The following CDH4 variants were observed in gnomAD, a reference collection of about 807,000 sequenced individuals.
The protein encoded by CDH4 is cadherin 4.
Under a neutral mutation model 86.0 loss-of-function variants are expected in CDH4, and 33 were observed. The observed-to-expected ratio is 0.38, with a 90% confidence interval of 0.29 to 0.51. The LOEUF is 0.51. CDH4 is among the 20% of genes least tolerant of loss of function. CDH4 has a pLI of 0.86. For missense variants in CDH4, 1,114 were observed against 1,307.4 expected (o/e 0.85, Z 2.28); for synonymous variants, 555 against 549.4 (o/e 1.01, Z -0.14).
intron 2 of CDH4, among the ~76,000 whole-genome samples, chr20:61,305,178 G>A (rs13044209): frequency 0.049 from 7,401 of 152,192 alleles, 262 homozygotes; most frequent in African/African-American, 0.084. Context: ...CTGACTGTCC[G>A]TAAGTGTGTG....
chr20:61,613,596 G>A (rs201548940), intron 2 of CDH4, among the ~76,000 whole-genome samples: 227 of 133,888 alleles, frequency 1.7e-3, no homozygotes, highest in Non-Finnish European at 1.6e-3. Context: ...GGCTTCAAAA[G>A]AAAAAAAAAA....
chr20:61,924,679 C>T (rs565708991), intron 11 of CDH4, among the ~76,000 whole-genome samples: 169 of 152,232 alleles, frequency 1.1e-3, no homozygotes, highest in Non-Finnish European at 1.3e-3. Flanking sequence ...TGCTCCCCCT[C>T]CACCCACTCC....
At chr20:61,730,606 A>G (rs1224955756) in intron 2 of CDH4, among the ~76,000 whole-genome samples, 2 of 152,224 alleles carry the variant, frequency 1.3e-5, no homozygotes. Flanking sequence ...GACCCCGGTG[A>G]GGAAGGCAGG....
chr20:61,782,858 C>T (rs561069357), intron 4 of CDH4, among the ~76,000 whole-genome samples: 6 of 152,284 alleles, frequency 3.9e-5, no homozygotes, highest in African/African-American at 1.2e-4. Context: ...CCGAGGTGGA[C>T]GTACCACTTG....
chr20:61,508,700 G>A (rs946443998), intron 2 of CDH4, among the ~76,000 whole-genome samples: 2 of 152,250 alleles, frequency 1.3e-5, no homozygotes, highest in African/African-American at 4.8e-5. Context: ...AAGCCCAGGC[G>A]CTGCCCCACC....
intron 2 of CDH4, chr20:61,719,183 A>G (rs944473189): frequency 2.3e-6 from 1 of 436,510 alleles, no homozygotes; most frequent in African/African-American, 2.2e-5. Context: ...ATGGGTTCTA[A>G]TCAGAGATTT....
chr20:61,713,748 G>T, intron 2 of CDH4, among the ~76,000 whole-genome samples: 1 of 152,208 alleles, frequency 6.6e-6, no homozygotes. Context: ...CCCATGGGCC[G>T]CAGCACCACA....
intron 2 of CDH4, among the ~76,000 whole-genome samples, chr20:61,525,812 C>G (rs1256029722): frequency 1.3e-5 from 2 of 152,164 alleles, no homozygotes; most frequent in East Asian, 3.9e-4. Flanking sequence ...GAGGAAGACT[C>G]TCTCTGTCTT....
At chr20:61,859,534 G>A (rs563639413) in intron 6 of CDH4, among the ~76,000 whole-genome samples, 25 of 152,312 alleles carry the variant, frequency 1.6e-4, no homozygotes, top group Non-Finnish European at 2.9e-4. Flanking sequence ...TGTAGTTTAC[G>A]TTAGGTCCAT....
intron 2 of CDH4, among the ~76,000 whole-genome samples, chr20:61,413,206 C>T (rs544151852): frequency 4.0e-4 from 57 of 141,194 alleles, no homozygotes; most frequent in Non-Finnish European, 6.5e-4. Flanking sequence ...CACCCCTGGC[C>T]CATGCTCCCT....
chr20:61,696,802 A>G (rs539315769), intron 2 of CDH4, among the ~76,000 whole-genome samples: 1 of 152,202 alleles, frequency 6.6e-6, no homozygotes, highest in Non-Finnish European at 1.5e-5. Flanking sequence ...TTACTTGGAA[A>G]AAGAGTGTTT....
At chr20:61,723,194 C>A (rs6089493) in intron 2 of CDH4, among the ~76,000 whole-genome samples, 110,731 of 152,050 alleles carry the variant, frequency 0.73, 41,745 homozygotes, top group East Asian at 1. Context: ...TATCCTCACA[C>A]GGCTTCATGG....
At chr20:61,933,275 C>G in intron 14 of CDH4, 151 bp downstream of exon 14, 1 of 957,472 alleles carries the variant, frequency 1.0e-6, no homozygotes, top group Non-Finnish European at 1.5e-6. Context: ...GTTTCCTAGC[C>G]TGGGCTGAGC....
intron 2 of CDH4, among the ~76,000 whole-genome samples, chr20:61,302,520 A>G (rs2084391642): frequency 1.4e-5 from 2 of 146,284 alleles, no homozygotes; most frequent in South Asian, 4.6e-4. Context: ...GTCATTCTTC[A>G]CAGGAGAATG....
intron 4 of CDH4, among the ~76,000 whole-genome samples, chr20:61,800,025 C>T (rs1455896683): frequency 6.6e-6 from 1 of 152,168 alleles, no homozygotes; most frequent in Admixed American, 6.5e-5. Context: ...TCGGTGGGCA[C>T]AGTCACCGGG....
chr20:61,805,063 T>G (rs531055037), intron 4 of CDH4, among the ~76,000 whole-genome samples: 1 of 152,338 alleles, frequency 6.6e-6, no homozygotes, highest in African/African-American at 2.4e-5. Flanking sequence ...TCCAAGTTCG[T>G]GGAAAGAGAG....
At chr20:61,682,097 C>T (rs529192208) in intron 2 of CDH4, among the ~76,000 whole-genome samples, 19 of 152,206 alleles carry the variant, frequency 1.2e-4, no homozygotes, top group Non-Finnish European at 2.4e-4. Context: ...CTTTATGACA[C>T]TACCTTCATG....
intron 2 of CDH4, among the ~76,000 whole-genome samples, chr20:61,282,543 GTGCA>G (rs756871908): frequency 0.66 from 96,305 of 146,434 alleles, 31,143 homozygotes; most frequent in East Asian, 0.81. Flanking sequence ...CATGGTGTGT[GTGCA>G]TGTGTGTGTG....
At chr20:61,411,823 G>A (rs529115371) in intron 2 of CDH4, among the ~76,000 whole-genome samples, 13 of 152,336 alleles carry the variant, frequency 8.5e-5, no homozygotes, top group African/African-American at 2.6e-4. Flanking sequence ...TGGGCACAGT[G>A]CACAGAAGCC....
Sources: gnomAD v4.1 joint callset for allele counts (sites outside exome capture counted in the v4.1 genomes callset) on GRCh38, gnomAD v4.1.1 for gene constraint, MANE v1.5 for transcripts, NCBI Gene and HGNC (gene_info 2026-07-23, HGNC 2026-07-21) for gene names.